INPP4B: variants seen among roughly 807,000 people sequenced by gnomAD.
INPP4B encodes the protein inositol polyphosphate 4-phosphatase type II.
INPP4B carries 55 observed loss-of-function variants against 122.5 expected under a neutral mutation model. That is an observed-to-expected ratio of 0.45 (90% CI 0.36 to 0.56). INPP4B has a LOEUF of 0.56. Among genes scored for constraint, INPP4B ranks in the 20% least tolerant of loss-of-function variants. INPP4B has a pLI of 0.00. For missense variants in INPP4B, 1,000 were observed against 1,097.7 expected, an observed-to-expected ratio of 0.91 and a Z score of 1.26; for synonymous variants, 403 against 388.7, an observed-to-expected ratio of 1.04 and a Z score of -0.43.
At chr4:142,262,702 T>C (rs1352496278) in intron 10 of INPP4B, among the ~76,000 whole-genome samples, 1 of 152,204 alleles carries the variant, frequency 6.6e-6, no homozygotes, top group Non-Finnish European at 1.5e-5. Flanking sequence ...TAGTAGGTGA[T>C]ATTTTTGATG....
intron 11 of INPP4B, among the ~76,000 whole-genome samples, chr4:142,252,174 A>C (rs1323537599): frequency 5.4e-5 from 8 of 149,174 alleles, no homozygotes; most frequent in Non-Finnish European, 1.2e-4. Flanking sequence ...ATTGCCTGTC[A>C]CTATAGTAGT....
chr4:142,173,427 A>ATT (rs1826511077), intron 16 of INPP4B, among the ~76,000 whole-genome samples: 1 of 132,222 alleles, frequency 7.6e-6, no homozygotes. Context: ...CCTACTAAGA[A>ATT]AAAAAAAAAA....
intron 18 of INPP4B, among the ~76,000 whole-genome samples, chr4:142,137,927 C>T (rs1202085443): frequency 1.3e-5 from 2 of 152,128 alleles, no homozygotes. Flanking sequence ...AACACTTATA[C>T]ACTGTTGGTG....
chr4:142,452,938 T>G (rs1814630245), intron 3 of INPP4B, among the ~76,000 whole-genome samples: 1 of 152,170 alleles, frequency 6.6e-6, no homozygotes, highest in Admixed American at 6.6e-5. Flanking sequence ...ACGAGCATTA[T>G]ATAACAGTTT....
intron 18 of INPP4B, among the ~76,000 whole-genome samples, chr4:142,137,186 G>T (rs926979265): frequency 2.0e-5 from 3 of 151,988 alleles, no homozygotes; most frequent in Non-Finnish European, 4.4e-5. Context: ...CCAAAACATA[G>T]ATATAGATCA....
At chr4:142,250,934 C>T (rs1579448913) in intron 11 of INPP4B, among the ~76,000 whole-genome samples, 3 of 152,266 alleles carry the variant, frequency 2.0e-5, no homozygotes. Flanking sequence ...AATGCAGCTG[C>T]TCCTATCAAT....
chr4:142,545,734 CATAT>C (rs142488079), intron 2 of INPP4B, among the ~76,000 whole-genome samples: 20 of 111,374 alleles, frequency 1.8e-4, no homozygotes, highest in East Asian at 6.4e-4. Context: ...TGTATATACA[CATAT>C]ATGTGTATAT....
intron 7 of INPP4B, among the ~76,000 whole-genome samples, chr4:142,364,385 T>G (rs552102177): frequency 6.6e-6 from 1 of 152,054 alleles, no homozygotes; most frequent in South Asian, 2.1e-4. Context: ...ACACTTGCAA[T>G]AGACTCTTGG....
At chr4:142,428,238 A>G (rs1449706999) in intron 5 of INPP4B, among the ~76,000 whole-genome samples, 3 of 151,230 alleles carry the variant, frequency 2.0e-5, no homozygotes, top group African/African-American at 7.3e-5. Flanking sequence ...AACCCAGTAT[A>G]GAGTATATAT....
chr4:142,042,516 G>GTGTGTGTGTGTGTGTATGTA (rs1297140777), intron 25 of INPP4B, among the ~76,000 whole-genome samples: 1 of 48,128 alleles, frequency 2.1e-5, no homozygotes, highest in African/African-American at 4.0e-5. Context: ...TTATGTGTGT[G>GTGTGTGTGTGTGTGTATGTA]TGTATGTATG....
intron 9 of INPP4B, among the ~76,000 whole-genome samples, chr4:142,298,821 TAAG>T (rs1173854329): frequency 6.6e-6 from 1 of 152,084 alleles, no homozygotes; most frequent in Non-Finnish European, 1.5e-5. Context: ...TGTGCAACAT[TAAG>T]AAGTTGGACT....
At chr4:142,315,965 T>A (rs1017919781) in intron 7 of INPP4B, among the ~76,000 whole-genome samples, 1 of 151,978 alleles carries the variant, frequency 6.6e-6, no homozygotes, top group African/African-American at 2.4e-5. Context: ...AAGGGATGCC[T>A]CTAATACCCC....
intron 2 of INPP4B, among the ~76,000 whole-genome samples, chr4:142,561,828 CTTT>C (rs952275476): frequency 2.0e-5 from 3 of 152,110 alleles, no homozygotes; most frequent in African/African-American, 4.8e-5. Context: ...TGCTCATCTT[CTTT>C]TAAGATCTGT....
chr4:142,241,614 G>C (rs780356007), intron 11 of INPP4B, among the ~76,000 whole-genome samples: 4 of 152,150 alleles, frequency 2.6e-5, no homozygotes, highest in Non-Finnish European at 5.9e-5. Context: ...TCCAAAGTAA[G>C]GATGCCAAGG....
intron 25 of INPP4B, among the ~76,000 whole-genome samples, chr4:142,049,701 A>G (rs1446608189): frequency 4.6e-5 from 7 of 151,760 alleles, no homozygotes; most frequent in Admixed American, 4.6e-4. Context: ...TTCTGTAGGA[A>G]GAAAAAAAGA....
chr4:142,570,311 C>T (rs1732528643), intron 2 of INPP4B, among the ~76,000 whole-genome samples: 1 of 151,954 alleles, frequency 6.6e-6, no homozygotes, highest in Admixed American at 6.6e-5. Context: ...AATTAACTTA[C>T]AGCTCTTATT....
intron 1 of INPP4B, among the ~76,000 whole-genome samples, chr4:142,764,747 T>G (rs1771838020): frequency 6.6e-6 from 1 of 151,930 alleles, no homozygotes; most frequent in South Asian, 2.1e-4. Flanking sequence ...TTAATCAAGA[T>G]CTACTCTGAA....
At chr4:142,215,339 A>C (rs965562597) in intron 12 of INPP4B, among the ~76,000 whole-genome samples, 1 of 152,194 alleles carries the variant, frequency 6.6e-6, no homozygotes, top group East Asian at 1.9e-4. Flanking sequence ...AAACAAACAG[A>C]GTGTACTTAA....
At chr4:142,644,776 G>T (rs923660480) in intron 2 of INPP4B, among the ~76,000 whole-genome samples, 16 of 144,210 alleles carry the variant, frequency 1.1e-4, no homozygotes, top group African/African-American at 4.1e-4. Flanking sequence ...AATTGGCACA[G>T]TGTAGTGGCA....
Sources: gnomAD v4.1 joint callset for allele counts (sites outside exome capture counted in the v4.1 genomes callset) on GRCh38, gnomAD v4.1.1 for gene constraint, MANE v1.5 for transcripts, NCBI Gene and HGNC (gene_info 2026-07-23, HGNC 2026-07-21) for gene names.